Variants in EPAS1 observed in about 807,000 individuals in gnomAD.
The protein encoded by EPAS1 is endothelial PAS domain protein 1, also known as endothelial PAS domain-containing protein 1.
Under a neutral mutation model 87.9 loss-of-function variants are expected in EPAS1, and 23 were observed. That is an observed-to-expected ratio of 0.26 (90% CI 0.19 to 0.37). The LOEUF (loss-of-function observed/expected upper bound fraction) is 0.37, where lower values mean the gene tolerates loss of function less well. EPAS1 is among the 10% of genes least tolerant of loss of function. EPAS1 has a pLI of 1.00. For missense variants in EPAS1, 1,138 were observed against 1,120.7 expected (o/e 1.02, Z -0.22); for synonymous variants, 508 against 444.3 (o/e 1.14, Z -1.80).
intron 1 of EPAS1, among the ~76,000 whole-genome samples, chr2:46,338,840 C>T (rs1042137361): frequency 6.7e-6 from 1 of 149,528 alleles, no homozygotes; most frequent in South Asian, 2.1e-4. Flanking sequence ...TCTGAAGCAC[C>T]GTGACCCATG....
At position 46,378,045 on chromosome 2, in the gene EPAS1, C is replaced by T. The variant is rs1268060836; in HGVS notation, c.1401C>T (p.Ser467=). Residue 467 remains serine, a synonymous_variant, in exon 10 of 16, where the codon AGC becomes AGT. Coordinates refer to ENST00000263734, the MANE Select transcript of EPAS1 (RefSeq NM_001430.5). ...TGCCCCAGGCAGCTGCCCCGGGCAGCACCACCCCCAGTGCCACCAGCAGCA... is the reference window on the plus strand; with the variant it reads ...TGCCCCAGGCAGCTGCCCCGGGCAGTACCACCCCCAGTGCCACCAGCAGCA... ...FTVPQAAAPG[S]TTPSATSSSS... is the part of the protein sequence containing the mutation. 1.4e-5 allele frequency: 23 copies of T among 1,606,396 alleles called. 2 individuals carry two copies. Among genetic ancestry groups the T allele is most frequent in the Middle Eastern group, 2.0e-4 (1 of 4,976 alleles).
At chr2:46,358,321 A>G (rs1013694291) in intron 4 of EPAS1, among the ~76,000 whole-genome samples, 4 of 152,160 alleles carry the variant, frequency 2.6e-5, no homozygotes, top group Admixed American at 6.5e-5. Flanking sequence ...ACACTGGCAG[A>G]GAGCACCCTG....
At position 46,386,174 on chromosome 2, in the gene EPAS1, C is replaced by G. The variant is rs1043620815; in HGVS notation, c.*1514C>G. ...GTGTTCCCAGAGCACTTTGCAACTC[C>G]CTGGGTAAGAGGGACGACACCTCTG... On this transcript the variant is annotated 3_prime_UTR_variant, in exon 16 of 16. Transcript: ENST00000263734. 8 of 152,620 alleles carry G rather than the reference C, an allele frequency of 5.2e-5. No homozygotes were observed. The highest frequency in any genetic ancestry group is 1.9e-4 in the African/African-American group (8 of 41,446). The allele number at this position is 152,620 out of a possible 1,614,324, so 9.5% of individuals were successfully genotyped here.
chr2:46,368,033 G>A (rs754023579), intron 6 of EPAS1, among the ~76,000 whole-genome samples: 89 of 152,230 alleles, frequency 5.8e-4, no homozygotes, highest in Non-Finnish European at 7.5e-4. Flanking sequence ...TGTTTGTACC[G>A]TAGGTTCAAA....
At chr2:46,356,127 T>TGGGGGGGGGGGGGGGGGGGGG in intron 2 of EPAS1, 24 bp from the exon 3 acceptor site, 97 of 1,395,188 alleles carry the variant, frequency 7.0e-5, no homozygotes, top group Non-Finnish European at 9.2e-5. Context: ...TCATGCAAGC[T>TGGGGGGGGGGGGGGGGGGGGG]GTCCCACCCC....
intron 7 of EPAS1, among the ~76,000 whole-genome samples, chr2:46,370,332 C>T (rs1376325173): frequency 3.9e-5 from 6 of 152,148 alleles, no homozygotes; most frequent in Admixed American, 6.5e-5. Context: ...GCTATAGATT[C>T]AAGTACATAC....
In EPAS1 at chr2:46,380,347, A is replaced by C. The variant is rs1266846878; in HGVS notation, c.1675A>C (p.Thr559Pro). 2 of 1,613,420 alleles carry C rather than the reference A, an allele frequency of 1.2e-6. No homozygotes were observed. Among genetic ancestry groups the C allele is most frequent in the South Asian group, 1.1e-5 (1 of 91,040 alleles). Reference protein sequence around the residue: ...ERLLAENPQSTPQHCFSAMTN... With the variant: ...ERLLAENPQSPPQHCFSAMTN... Reference sequence around the variant, plus strand: ...GCTCTTGGCGGAGAACCCACAGTCCACCCCCCAGCACTGCTTCAGTGCCAT... The same window carrying C: ...GCTCTTGGCGGAGAACCCACAGTCCCCCCCCCAGCACTGCTTCAGTGCCAT... The change falls in exon 12 of 16, where the codon ACC (threonine) becomes CCC (proline). Residue 559 changes from threonine to proline, a missense_variant. Thr to Pro is a conservative substitution (Grantham distance 38, BLOSUM62 -1). This residue lies in a region of EPAS1 where 502 missense variants were observed against 427.1 expected (regional missense o/e 1.18). Transcript: ENST00000263734. This position sits in a 1 kb window ranked among gnomAD's most constrained non-coding sequence, Gnocchi z 4.4.
intron 1 of EPAS1, among the ~76,000 whole-genome samples, chr2:46,320,394 G>C (rs1169894445): frequency 6.6e-6 from 1 of 152,232 alleles, no homozygotes; most frequent in African/African-American, 2.4e-5. Context: ...GGCTACTTCT[G>C]TACAATGCAC....
chr2:46,362,704 TG>T (rs1684417934), intron 6 of EPAS1, among the ~76,000 whole-genome samples: 1 of 152,082 alleles, frequency 6.6e-6, no homozygotes, highest in Non-Finnish European at 1.5e-5. Context: ...ACCGGCCTGG[TG>T]TTGGTTGGTC....
Position 46,356,147 on chromosome 2 carries a change from C to G in EPAS1, c.218-4C>G, listed in dbSNP as rs1177333011. 2 of 1,021,570 alleles carry G rather than the reference C, an allele frequency of 2.0e-6. No homozygotes were observed. The highest frequency in any genetic ancestry group is 2.0e-5 in the Admixed American group (1 of 49,404). 63.3% of individuals were successfully genotyped at this position (1,021,570 alleles called of 1,614,324 possible). A position where few individuals can be genotyped will look rare whatever the true frequency, so the allele number is the denominator to read the frequency against. On this transcript the variant is annotated splice_polypyrimidine_tract_variant and splice_region_variant and intron_variant, in intron 2 of 15. Transcript: ENST00000263734. ...CAAGCTGTCCCACCCCCCCCCCTTT[C>G]CAGTTTGCTCTGAAAACGAGTCCGA...
In EPAS1 at chr2:46,380,528, C is replaced by T. The variant is rs769628339; in HGVS notation, c.1856C>T (p.Pro619Leu). 2.5e-5 allele frequency: 40 copies of T among 1,614,062 alleles called. No individual in the cohort carries two copies. The African/African-American group carries it at 2.8e-4, about 11-fold the overall frequency. The part of the protein sequence containing the change: ...FDAGSKASLP[P>L]CCGQASTPLS... ...GCCGGAAGCAAAGCATCCCTGCCACCGTGCTGTGGCCAGGCCAGCACCCCT... is the reference window on the plus strand; with the variant it reads ...GCCGGAAGCAAAGCATCCCTGCCACTGTGCTGTGGCCAGGCCAGCACCCCT... The change falls in exon 12 of 16, where the codon CCG becomes CTG. Residue 619 changes from proline to leucine, a missense_variant. By Grantham distance (98) the Pro-to-Leu change is moderately conservative. Transcript: ENST00000263734. The surrounding 1 kb of genome is among the most constrained non-coding windows in gnomAD (Gnocchi z 4.4).
chr2:46,324,271 G>A lies in EPAS1; in HGVS notation c.27-22602G>A, dbSNP rs975393333. ...TTTAGTAGAAACAGAGTTTCACCAC[G>A]TTAGCCAGGATGGTCTCGATCTTCT... On this transcript the variant is annotated intron_variant, in intron 1 of 15. Coordinates refer to ENST00000263734, the MANE Select transcript of EPAS1 (RefSeq NM_001430.5). 1.5e-3 allele frequency among the ~76,000 whole-genome samples: 228 copies of A among 152,246 alleles called. 3 individuals are homozygous for A. Among genetic ancestry groups the A allele is most frequent in the Middle Eastern group, 3.4e-3 (1 of 294 alleles).
chr2:46,357,940 G>C (rs1277498267), intron 4 of EPAS1, among the ~76,000 whole-genome samples: 1 of 152,154 alleles, frequency 6.6e-6, no homozygotes, highest in African/African-American at 2.4e-5. Flanking sequence ...GTCAGAATTG[G>C]GGCTTAATGA....
At chr2:46,340,721 T>TTG (rs1264661602) in intron 1 of EPAS1, among the ~76,000 whole-genome samples, 1 of 152,158 alleles carries the variant, frequency 6.6e-6, no homozygotes, top group East Asian at 1.9e-4. Flanking sequence ...CATTCTGAAT[T>TTG]TGTAACTTTT....
chr2:46,380,682 T>C lies in EPAS1; in HGVS notation c.2010T>C (p.Pro670=), dbSNP rs568216381. 71 of 1,613,668 alleles carry C rather than the reference T, an allele frequency of 4.4e-5. No homozygotes were observed. In the South Asian group the frequency reaches 6.6e-4, roughly 15 times the overall value. ...TGGGAGCAGCGCCGTTGGGGCCCCC[T>C]GTCTCTCCACCCCATGTCTCCACCT... ...EFLGAAPLGP[P]VSPPHVSTFK... Residue 670 remains proline, a synonymous_variant, in exon 12 of 16, where the codon CCT becomes CCC. Coordinates refer to ENST00000263734, the MANE Select transcript of EPAS1 (RefSeq NM_001430.5). The surrounding 1 kb of genome is among the most constrained non-coding windows in gnomAD (Gnocchi z 4.4).
chr2:46,322,814 C>G (rs1683477749), intron 1 of EPAS1, among the ~76,000 whole-genome samples: 1 of 152,214 alleles, frequency 6.6e-6, no homozygotes, highest in African/African-American at 2.4e-5. Flanking sequence ...GCTTCCCTCA[C>G]TTAGTCCACC....
At chr2:46,355,208 A>T (rs1684245702) in intron 2 of EPAS1, among the ~76,000 whole-genome samples, 5 of 152,248 alleles carry the variant, frequency 3.3e-5, no homozygotes, top group African/African-American at 1.2e-4. Context: ...GAAAGAAGAA[A>T]GAATTTACTG....
Position 46,382,613 on chromosome 2 carries a change from G to T in EPAS1, c.2461+15G>T. Reference sequence around the variant, plus strand: ...CAAGGTGTCAGGTGGGTGTGCCCAGGATCTGTCACCCCCATCCCAGGATTC... The same window carrying T: ...CAAGGTGTCAGGTGGGTGTGCCCAGTATCTGTCACCCCCATCCCAGGATTC... On this transcript the variant is annotated intron_variant, in intron 15 of 15. Transcript: ENST00000263734. 6.2e-7 allele frequency: 1 copy of T among 1,613,974 alleles called. No homozygotes were observed. Among genetic ancestry groups the T allele is most frequent in the Non-Finnish European group, 8.5e-7 (1 of 1,180,018 alleles).
At position 46,380,338 on chromosome 2, in the gene EPAS1, C is replaced by G. The variant is rs377300880; in HGVS notation, c.1666C>G (p.Pro556Ala). ...CPEERLLAEN[P>A]QSTPQHCFSA... Reference sequence around the variant, plus strand: ...CGAGGAGCGGCTCTTGGCGGAGAACCCACAGTCCACCCCCCAGCACTGCTT... The same window carrying G: ...CGAGGAGCGGCTCTTGGCGGAGAACGCACAGTCCACCCCCCAGCACTGCTT... The change falls in exon 12 of 16, where the codon CCA becomes GCA. Residue 556 changes from proline (P) to alanine (A), a missense_variant. Physicochemically the swap from Pro to Ala is conservative, Grantham distance 27. This residue lies in a region of EPAS1 where 502 missense variants were observed against 427.1 expected (regional missense o/e 1.18). Transcript: ENST00000263734. This position sits in a 1 kb window ranked among gnomAD's most constrained non-coding sequence, Gnocchi z 4.4. 1.2e-6 allele frequency: 2 copies of G among 1,614,024 alleles called. No individual in the cohort carries two copies. Among genetic ancestry groups the G allele is most frequent in the African/African-American group, 1.3e-5 (1 of 74,910 alleles).
Sources: gnomAD v4.1 joint callset for allele counts (sites outside exome capture counted in the v4.1 genomes callset) on GRCh38, gnomAD v4.1.1 for gene constraint, gnomAD v4.1.1 regional missense constraint, Gnocchi (gnomAD v3.1) non-coding constraint, MANE v1.5 for transcripts, NCBI Gene and HGNC (gene_info 2026-07-23, HGNC 2026-07-21) for gene names.